AP3D1: variants seen among roughly 807,000 people sequenced by gnomAD.
AP3D1 encodes adaptor related protein complex 3 subunit delta 1.
AP3D1 carries 51 observed loss-of-function variants against 147.6 expected under a neutral mutation model. The observed-to-expected ratio is 0.35, with a 90% confidence interval of 0.28 to 0.44. The LOEUF is 0.44. Among genes scored for constraint, AP3D1 ranks in the 20% least tolerant of loss-of-function variants. The probability of loss-of-function intolerance (pLI) is 1.00; values close to 1 mark genes in which losing one functional copy is unlikely to be tolerated. For missense variants in AP3D1, 1,421 were observed against 1,624.2 expected (o/e 0.87, Z 2.15); for synonymous variants, 760 against 663.0 (o/e 1.15, Z -2.25).
chr19:2,112,152 G>A, intron 24 of AP3D1: 1 of 405,878 alleles, frequency 2.5e-6, no homozygotes. Flanking sequence ...ACATCCGAGA[G>A]GGAACACACA....
chr19:2,109,702 C>T (rs920950207), intron 29 of AP3D1, 171 bp downstream of exon 29: 47 of 647,214 alleles, frequency 7.3e-5, no homozygotes, highest in African/African-American at 6.5e-4. Context: ...TACACGGCCC[C>T]GGCTGGCGCA....
At chr19:2,113,198 C>G in intron 23 of AP3D1, 138 bp downstream of exon 23, 1 of 643,334 alleles carries the variant, frequency 1.6e-6, no homozygotes. Context: ...CCCGGCTCCA[C>G]TCAGTGCTGG....
chr19:2,116,736 C>T lies in AP3D1; in HGVS notation c.1870G>A (p.Asp624Asn), dbSNP rs1368189740. ...GAGAGTGGCTCATTGATCCAGGCGT[C>T]CAGGTCCAGGCTGCACCGGACAGGA... is the stretch of plus-strand genomic sequence containing the variant. ...KVPVPEGLDL[D>N]AWINEPLSDS... The change falls in exon 17 of 32, where the codon GAC (aspartate) becomes AAC (asparagine). Residue 624 changes from aspartate (D) to asparagine (N), a missense_variant. Coordinates refer to ENST00000643116, the MANE Select transcript of AP3D1 (RefSeq NM_001261826.3). The T allele has an allele frequency of 6.2e-7, 1 of 1,610,332 alleles. No individual in the cohort carries two copies. Among genetic ancestry groups the T allele is most frequent in the African/African-American group, 1.3e-5 (1 of 74,842 alleles).
intron 1 of AP3D1, among the ~76,000 whole-genome samples, chr19:2,163,976 A>G (rs1462988507): frequency 6.7e-6 from 1 of 149,466 alleles, no homozygotes; most frequent in Non-Finnish European, 1.5e-5. Context: ...GAGGCGCTGG[A>G]GGCCCCGGGC....
At position 2,116,654 on chromosome 19, in the gene AP3D1, C is replaced by T. The variant is rs762244336; in HGVS notation, c.1952G>A (p.Arg651Gln). The T allele has an allele frequency of 1.1e-5, 17 of 1,605,164 alleles. No individual in the cohort carries two copies. The highest frequency in any genetic ancestry group is 9.0e-5 in the East Asian group (4 of 44,568). The change falls in exon 17 of 32, where the codon CGG becomes CAG. Residue 651 changes from arginine to glutamine, a missense_variant. Physicochemically the swap from Arg to Gln is conservative, Grantham distance 43. Transcript: ENST00000643116. ...PRAVFHEEEQ[R>Q]RPKHRPSEAD... is the part of the protein sequence containing the mutation. ...CTCCGACGGCCGGTGCTTGGGACGC[C>T]GCTGCTCCTCCTCGTGGAAGACGGC...
rs189700127 is a variant in AP3D1 at position 2,105,437 on chromosome 19, G to A, written c.3553-3169C>T. Among the ~76,000 whole-genome samples the A allele has an allele frequency of 3.1e-4, 47 of 152,354 alleles. 1 individual carries two copies. Among genetic ancestry groups the A allele is most frequent in the African/African-American group, 7.9e-4 (33 of 41,584 alleles). On this transcript the variant is annotated intron_variant, in intron 31 of 31. Transcript: ENST00000643116. ...TTAAGCCACAAACAATAGCATGAGC[G>A]AGCTGTGTCTTCAGGGCGTGTTCCT...
chr19:2,160,811 G>T (rs1176592578), intron 1 of AP3D1, among the ~76,000 whole-genome samples: 2 of 152,180 alleles, frequency 1.3e-5, no homozygotes, highest in African/African-American at 2.4e-5. Flanking sequence ...GTTCTCTGGG[G>T]TGGGCTATCC....
intron 16 of AP3D1, 104 bp from the exon 17 acceptor site, chr19:2,116,850 C>CA: frequency 7.1e-7 from 1 of 1,401,170 alleles, no homozygotes. Flanking sequence ...TGTGATATCC[C>CA]AAACAGTGGG....
chr19:2,148,312 G>A (rs1023940242), intron 1 of AP3D1, among the ~76,000 whole-genome samples: 5 of 152,150 alleles, frequency 3.3e-5, no homozygotes, highest in African/African-American at 7.2e-5. Flanking sequence ...ATACACATGA[G>A]ACCACTACTT....
At chr19:2,164,187 G>T in intron 1 of AP3D1, 1 of 1,235,388 alleles carries the variant, frequency 8.1e-7, no homozygotes, top group Non-Finnish European at 1.0e-6. Context: ...GCGCGGACAT[G>T]GGGGAGAAGC....
chr19:2,146,141 A>G (rs2019350804), intron 1 of AP3D1, among the ~76,000 whole-genome samples: 1 of 152,224 alleles, frequency 6.6e-6, no homozygotes, highest in African/African-American at 2.4e-5. Context: ...AACAGAGCAC[A>G]GCCACCCACG....
At chr19:2,123,003 C>T (rs1448178727) in intron 11 of AP3D1, among the ~76,000 whole-genome samples, 1 of 152,220 alleles carries the variant, frequency 6.6e-6, no homozygotes, top group Admixed American at 6.5e-5. Context: ...CGCACCCCCG[C>T]AAAAACATGC....
At chr19:2,145,536 C>T (rs1265192900) in intron 1 of AP3D1, among the ~76,000 whole-genome samples, 1 of 152,164 alleles carries the variant, frequency 6.6e-6, no homozygotes, top group Non-Finnish European at 1.5e-5. Flanking sequence ...CCCTGCAGTG[C>T]CCCAACACCC....
Position 2,121,788 on chromosome 19 carries a change from C to T in AP3D1, c.1047G>A (p.Leu349=), listed in dbSNP as rs2018619675. ...QSHKDLILQC[L]DDKDESIRLR... is the part of the protein sequence containing the mutation. ...GCCGGATGGACTCGTCCTTGTCGTC[C>T]AGGCACTGCAGGATGAGGTCCTTGT... is the stretch of plus-strand genomic sequence containing the variant. Residue 349 remains leucine, a synonymous_variant, in exon 12 of 32, where the codon CTG becomes CTA. Transcript: ENST00000643116. 1 of 1,613,188 alleles carries T rather than the reference C, an allele frequency of 6.2e-7. No individual in the cohort carries two copies. The highest frequency in any genetic ancestry group is 1.7e-4 in the Middle Eastern group (1 of 6,048).
At position 2,110,632 on chromosome 19, in the gene AP3D1, C is replaced by A. The variant is rs781102246; in HGVS notation, c.3175+75G>T. ...ATGGGGAGGAAGCAACAAGAACCAG[C>A]GGATCCGGGCAGTCACCAGCTGCCA... On this transcript the variant is annotated intron_variant, in intron 27 of 31. Transcript: ENST00000643116. 326 of 1,417,732 alleles carry A rather than the reference C, an allele frequency of 2.3e-4. 1 individual carries two copies. Among genetic ancestry groups the A allele is most frequent in the South Asian group, 7.0e-4 (50 of 71,772 alleles). The allele number at this position is 1,417,732 out of a possible 1,614,324, so 87.8% of individuals were successfully genotyped here.
At chr19:2,154,468 A>T (rs932792304), upstream of AP3D1, among the ~76,000 whole-genome samples, 8 of 150,220 alleles carry the variant, frequency 5.3e-5, no homozygotes, top group Non-Finnish European at 1.0e-4. Context: ...TAGTAGAGAC[A>T]GGGTTTCACC....
chr19:2,102,859 ACT>A (rs1157046601), intron 31 of AP3D1, among the ~76,000 whole-genome samples: 1 of 151,968 alleles, frequency 6.6e-6, no homozygotes, highest in Non-Finnish European at 1.5e-5. Context: ...GAAGCAGGAG[ACT>A]CTCTTGAACC....
At chr19:2,128,367 C>T (rs915126466) in intron 8 of AP3D1, among the ~76,000 whole-genome samples, 22 of 152,204 alleles carry the variant, frequency 1.4e-4, no homozygotes, top group East Asian at 9.6e-4. Flanking sequence ...CAGTCTAGGA[C>T]GGACAGTCAT....
intron 1 of AP3D1, among the ~76,000 whole-genome samples, chr19:2,159,505 C>T (rs2019677998): frequency 6.6e-6 from 1 of 151,776 alleles, no homozygotes; most frequent in Non-Finnish European, 1.5e-5. Context: ...TCTCCCGCCT[C>T]GGCCTCCCGA....
Sources: allele counts gnomAD v4.1 joint callset (sites outside exome capture counted in the v4.1 genomes callset), GRCh38; gene constraint gnomAD v4.1.1; transcripts MANE v1.5; gene names NCBI Gene and HGNC (gene_info 2026-07-23, HGNC 2026-07-21).